Variants in ABCA5 observed in about 807,000 individuals in gnomAD.
The protein encoded by ABCA5 is ATP binding cassette subfamily A member 5.
In ABCA5, 163 loss-of-function variants were observed where a neutral mutation model predicts 206.0. That is an observed-to-expected ratio of 0.79 (90% CI 0.70 to 0.90). The LOEUF (loss-of-function observed/expected upper bound fraction) is 0.90. Among genes scored for constraint, ABCA5 ranks in the 40% least tolerant of loss-of-function variants. The probability of loss-of-function intolerance (pLI) is 0.00; values close to 1 mark genes in which losing one functional copy is unlikely to be tolerated. For synonymous variants in ABCA5, 609 were observed against 613.8 expected (o/e 0.99, Z 0.11); for missense variants, 1,859 against 1,912.9 (o/e 0.97, Z 0.53).
Position 69,274,043 on chromosome 17 carries a change from T to G in ABCA5, c.2680A>C (p.Lys894Gln), listed in dbSNP as rs751531014. ...AGAAAATATAAGTCTGGAACAAGTT[T>G]GATGGGAACCACAGCATTTTTAAAA... Reference protein sequence around the residue: ...HSFKNAVVPIKLVPDLYFLKP... With the variant: ...HSFKNAVVPIQLVPDLYFLKP... Residue 894 changes from lysine to glutamine, a missense_variant, in exon 20 of 39, where the codon AAA becomes CAA. Coordinates refer to ENST00000392676, the MANE Select transcript of ABCA5 (RefSeq NM_172232.4). 2 of 1,611,880 alleles carry G rather than the reference T, an allele frequency of 1.2e-6. No homozygotes were observed. Among genetic ancestry groups the G allele is most frequent in the African/African-American group, 1.3e-5 (1 of 74,794 alleles).
At chr17:69,266,850 GTATTTATTTATTTTATTTATT>G (rs936218614) in intron 23 of ABCA5, among the ~76,000 whole-genome samples, 6 of 150,110 alleles carry the variant, frequency 4.0e-5, no homozygotes, top group Admixed American at 2.0e-4. Context: ...TTATTAGAAT[GTATTTATTTATTTTATTTATT>G]TATTTATTTA....
rs768075899 is a variant in ABCA5, at chr17:69,309,432, T to A, written c.308-9A>T. 1.3e-6 allele frequency: 2 copies of A among 1,518,058 alleles called. No homozygotes were observed. Among genetic ancestry groups the A allele is most frequent in the Non-Finnish European group, 1.8e-6 (2 of 1,126,946 alleles). 94.0% of individuals were successfully genotyped at this position (1,518,058 alleles called of 1,614,324 possible). The stretch of plus-strand genomic sequence containing the variant: ...TTCTTCAGTAATTATGACTGTAAGA[T>A]ATCATAACAATATAGTTAGCTCACA... On this transcript the variant is annotated splice_polypyrimidine_tract_variant and intron_variant, in intron 3 of 38. Transcript: ENST00000392676.
chr17:69,285,067 C>A (rs2144970167), intron 17 of ABCA5, among the ~76,000 whole-genome samples: 1 of 152,264 alleles, frequency 6.6e-6, no homozygotes, highest in South Asian at 2.1e-4. Flanking sequence ...TTCCTTAAAT[C>A]TTTTTATGTC....
chr17:69,281,035 T>TA (rs960486612), intron 18 of ABCA5, among the ~76,000 whole-genome samples: 12 of 145,018 alleles, frequency 8.3e-5, no homozygotes, highest in South Asian at 2.1e-4. Flanking sequence ...AGTATAATAA[T>TA]AAAAAAAAAT....
rs757966075 is a variant in ABCA5, at chr17:69,285,882, T to C, written c.2272+16A>G. On this transcript the variant is annotated intron_variant, in intron 17 of 38. Transcript: ENST00000392676. ...GATCCCAGTTCAAACACCAAGAGAC[T>C]TAAAGTAAGTAATACCTGAAAATTT... is the stretch of plus-strand genomic sequence containing the variant. 2.1e-5 allele frequency: 34 copies of C among 1,605,344 alleles called. No homozygotes were observed. The highest frequency in any genetic ancestry group is 2.6e-5 in the Non-Finnish European group (31 of 1,176,430).
intron 10 of ABCA5, 24 bp from the exon 11 acceptor site, chr17:69,294,737 TA>T: frequency 2.7e-6 from 4 of 1,507,906 alleles, no homozygotes; most frequent in Non-Finnish European, 3.6e-6. Flanking sequence ...TTTTATATTT[TA>T]AGTATTTAAA....
chr17:69,276,088 TG>T (rs1229755453), intron 19 of ABCA5, among the ~76,000 whole-genome samples: 2 of 23,564 alleles, frequency 8.5e-5, no homozygotes, highest in African/African-American at 1.7e-4. Flanking sequence ...TTTCTTTTTT[TG>T]GGGGGGCGGG....
chr17:69,261,391 G>A, intron 25 of ABCA5, 132 bp from the exon 26 acceptor site: 1 of 848,662 alleles, frequency 1.2e-6, no homozygotes, highest in Non-Finnish European at 1.8e-6. Context: ...TAGCCAGCAA[G>A]CAACAAGAAT....
intron 26 of ABCA5, among the ~76,000 whole-genome samples, chr17:69,260,868 T>C (rs1424814415): frequency 6.6e-6 from 1 of 151,980 alleles, no homozygotes; most frequent in African/African-American, 2.4e-5. Flanking sequence ...AAATACTGAC[T>C]GAAACCATGT....
At chr17:69,278,435 C>G (rs902377394) in intron 18 of ABCA5, among the ~76,000 whole-genome samples, 1 of 152,218 alleles carries the variant, frequency 6.6e-6, no homozygotes, top group Non-Finnish European at 1.5e-5. Flanking sequence ...CTTTACATTA[C>G]TTCTCAATTA....
At chr17:69,314,464 G>C (rs1451326557) in intron 1 of ABCA5, 34 bp from the exon 2 acceptor site, 1 of 1,319,288 alleles carries the variant, frequency 7.6e-7, no homozygotes, top group Non-Finnish European at 1.1e-6. Context: ...AACAAACCCG[G>C]AGCCACGCAG....
In ABCA5 at chr17:69,286,262, TG is replaced by T; in HGVS notation, c.2090del (p.Ser697Ter). Reference sequence around the variant, plus strand: ...TCCCCCATTTACTTTTGAGGAACATTGAAGAACCAACACATTTCAGCATTCC... The same window carrying T: ...TCCCCCATTTACTTTTGAGGAACATTAAGAACCAACACATTTCAGCATTCC... ...SQGMLKCVGS[S>X]MFLKSKWGIG... On this transcript the variant is annotated frameshift_variant, in exon 16 of 39. Coordinates refer to ENST00000392676, the MANE Select transcript of ABCA5 (RefSeq NM_172232.4). LOFTEE classifies it high-confidence loss of function. 1 of 1,592,602 alleles carries T rather than the reference TG, an allele frequency of 6.3e-7. No individual in the cohort carries two copies. The highest frequency in any genetic ancestry group is 1.2e-5 in the South Asian group (1 of 86,246).
At position 69,284,056 on chromosome 17, in the gene ABCA5, T is replaced by C; in HGVS notation, c.2289A>G (p.Leu763=). 6.3e-7 allele frequency: 1 copy of C among 1,585,710 alleles called. No homozygotes were observed. Among genetic ancestry groups the C allele is most frequent in the Non-Finnish European group, 8.6e-7 (1 of 1,168,944 alleles). Residue 763 remains leucine, a synonymous_variant, in exon 18 of 39, where the codon CTA becomes CTG. Coordinates refer to ENST00000392676, the MANE Select transcript of ABCA5 (RefSeq NM_172232.4). Reference sequence around the variant, plus strand: ...TGACACCCAAATTTGAATGACTGTCTAGGGCAGAAAACAAACCTAAAAGAA... The same window carrying C: ...TGACACCCAAATTTGAATGACTGTCCAGGGCAGAAAACAAACCTAAAAGAA... The part of the protein sequence containing the change: ...MDKFSGLFSA[L]DSHSNLGVIS...
rs781257898 is a variant in ABCA5 at position 69,254,442 on chromosome 17, G to A, written c.4117C>T (p.Leu1373=). The change falls in exon 32 of 39, where the codon CTG becomes TTG. Residue 1373 remains leucine, a synonymous_variant. Coordinates refer to ENST00000392676, the MANE Select transcript of ABCA5 (RefSeq NM_172232.4). ...TGAGGACAGTAACCCATACACTTCAGTGAATCATCATCTTCACTTGTCTCT... is the reference window on the plus strand; with the variant it reads ...TGAGGACAGTAACCCATACACTTCAATGAATCATCATCTTCACTTGTCTCT... The part of the protein sequence containing the change: ...SSETSEDDDS[L]KCMGYCPQIN... 4.3e-6 allele frequency: 7 copies of A among 1,613,164 alleles called. No individual in the cohort carries two copies. Among genetic ancestry groups the A allele is most frequent in the Non-Finnish European group, 5.9e-6 (7 of 1,179,604 alleles).
rs1335853960 is a variant in ABCA5, at chr17:69,261,612, AAAT to A, written c.3429+20_3429+22del. Reference sequence around the variant, plus strand: ...TTAATTAAACTGCTATGGAAAGTTGAAATAATGTAAAATGTGACTTACCACAGA... The same window carrying A: ...TTAATTAAACTGCTATGGAAAGTTGAAATGTAAAATGTGACTTACCACAGA... On this transcript the variant is annotated intron_variant, in intron 25 of 38. Transcript: ENST00000392676. 1.0e-5 allele frequency: 11 copies of A among 1,067,964 alleles called. No homozygotes were observed. The highest frequency in any genetic ancestry group is 2.7e-5 in the Admixed American group (1 of 36,636). The allele number at this position is 1,067,964 out of a possible 1,614,324, so 66.2% of individuals were successfully genotyped here. A position where few individuals can be genotyped will look rare whatever the true frequency, so the allele number is the denominator to read the frequency against.
In ABCA5 at chr17:69,253,793, C is replaced by T. The variant is rs199753304; in HGVS notation, c.4320+1G>A. The T allele has an allele frequency of 7.3e-5, 117 of 1,610,634 alleles. No homozygotes were observed. Among genetic ancestry groups the T allele is most frequent in the Non-Finnish European group, 9.4e-5 (111 of 1,177,632 alleles). ...CATTATTTGGTGTTTAATGAAAGTA[C>T]CTTTCGTTTGATTCCTGCAGGTAGT... On this transcript the variant is annotated splice_donor_variant, in intron 33 of 38. Coordinates refer to ENST00000392676, the MANE Select transcript of ABCA5 (RefSeq NM_172232.4). LOFTEE classifies it high-confidence loss of function.
intron 20 of ABCA5, 114 bp from the exon 21 acceptor site, chr17:69,271,403 C>A: frequency 8.8e-7 from 1 of 1,130,512 alleles, no homozygotes; most frequent in South Asian, 1.9e-5. Context: ...AGCGAATACG[C>A]AAGTAAGTAC....
intron 1 of ABCA5, among the ~76,000 whole-genome samples, chr17:69,325,315 A>C (rs1417142045): frequency 6.6e-6 from 1 of 151,926 alleles, no homozygotes; most frequent in African/African-American, 2.4e-5. Context: ...TCTCAAAAAA[A>C]AAAAAATGCT....
At chr17:69,267,349 G>A (rs1160864105) in intron 23 of ABCA5, among the ~76,000 whole-genome samples, 5 of 152,074 alleles carry the variant, frequency 3.3e-5, no homozygotes, top group Non-Finnish European at 7.4e-5. Flanking sequence ...GGGAGGCTTT[G>A]AACAACCAAA....
Sources: allele counts gnomAD v4.1 joint callset (sites outside exome capture counted in the v4.1 genomes callset), GRCh38; gene constraint gnomAD v4.1.1; transcripts MANE v1.5; gene names NCBI Gene and HGNC (gene_info 2026-07-23, HGNC 2026-07-21).